The following SBNO1 variants were observed in gnomAD, a reference collection of about 807,000 sequenced individuals.
SBNO1 encodes strawberry notch homolog 1, also known as protein strawberry notch homolog 1.
A neutral mutation model predicts 173.6 loss-of-function variants in SBNO1; 23 were observed. The ratio of observed to expected loss-of-function variants is 0.13; its 90% CI spans 0.10 to 0.19. The LOEUF (loss-of-function observed/expected upper bound fraction) is 0.19, where lower values mean the gene tolerates loss of function less well. SBNO1 is among the 10% of genes least tolerant of loss of function. SBNO1 has a pLI of 1.00. For missense variants in SBNO1, 1,238 were observed against 1,671.2 expected, an observed-to-expected ratio of 0.74 and a Z score of 4.52; for synonymous variants, 632 against 571.5, an observed-to-expected ratio of 1.11 and a Z score of -1.51.
chr12:123,354,879 G>A (rs1385741043), intron 1 of SBNO1, among the ~76,000 whole-genome samples: 1 of 151,786 alleles, frequency 6.6e-6, no homozygotes, highest in Non-Finnish European at 1.5e-5. Context: ...AAAAAAAAGA[G>A]TTCAATTTTT....
At chr12:123,364,031 TC>T (rs1427640203) in intron 1 of SBNO1, 2 of 985,278 alleles carry the variant, frequency 2.0e-6, no homozygotes, top group Non-Finnish European at 2.4e-6. Context: ...CAACTGCCGT[TC>T]CCCTCCATGG....
Position 123,364,817 on chromosome 12 carries a change from C to A in SBNO1, c.-117G>T, listed in dbSNP as rs1167856865. The A allele has an allele frequency of 2.0e-6, 2 of 977,522 alleles. No individual in the cohort carries two copies. The highest frequency in any genetic ancestry group is 2.4e-6 in the Non-Finnish European group (2 of 822,730). 60.6% of individuals were successfully genotyped at this position (977,522 alleles called of 1,614,324 possible). Reference sequence around the variant, plus strand: ...GCGGCAGCAGCGGCGTCCTGCTCTGCCTACCTCCCCGCCGCCATCTTGACG... The same window carrying A: ...GCGGCAGCAGCGGCGTCCTGCTCTGACTACCTCCCCGCCGCCATCTTGACG... On this transcript the variant is annotated 5_prime_UTR_variant, in exon 1 of 32. Transcript: ENST00000602398.
intron 30 of SBNO1, 146 bp from the exon 31 acceptor site, chr12:123,298,317 A>G (rs2048672060): frequency 1.3e-6 from 1 of 773,432 alleles, no homozygotes; most frequent in Non-Finnish European, 2.0e-6. Context: ...CCCAGACTGG[A>G]GCGCAGTGGT....
chr12:123,355,887 G>A (rs1217359035), intron 1 of SBNO1, among the ~76,000 whole-genome samples: 1 of 152,180 alleles, frequency 6.6e-6, no homozygotes, highest in African/African-American at 2.4e-5. Context: ...CACAGCAGTA[G>A]AGAAAAACTA....
chr12:123,300,978 A>ACC (rs149202839), intron 30 of SBNO1, among the ~76,000 whole-genome samples: 6,564 of 149,820 alleles, frequency 0.044, 254 homozygotes, highest in East Asian at 0.24. Context: ...AACAAAAAAA[A>ACC]ACAAAAAAAA....
chr12:123,363,838 G>A (rs997869176), intron 1 of SBNO1: 11 of 984,832 alleles, frequency 1.1e-5, no homozygotes, highest in Non-Finnish European at 1.2e-5. Flanking sequence ...CAAAGCAGGG[G>A]TGGGAAGGGG....
intron 1 of SBNO1, chr12:123,364,484 A>G (rs1260716548): frequency 1.0e-6 from 1 of 983,522 alleles, no homozygotes; most frequent in Non-Finnish European, 1.2e-6. Context: ...GCTGACGAAC[A>G]GAGGAAGCGA....
At chr12:123,338,132 C>T in intron 5 of SBNO1, among the ~76,000 whole-genome samples, 1 of 152,176 alleles carries the variant, frequency 6.6e-6, no homozygotes, top group Non-Finnish European at 1.5e-5. Flanking sequence ...GGCAAATCTT[C>T]CTAGATGGGG....
chr12:123,362,823 T>A (rs902252782), intron 1 of SBNO1, among the ~76,000 whole-genome samples: 2 of 147,652 alleles, frequency 1.4e-5, no homozygotes, highest in African/African-American at 5.0e-5. Context: ...CAATGGCTCA[T>A]GCCTGTAATC....
chr12:123,336,373 C>G (rs1216338734), intron 6 of SBNO1, 22 bp downstream of exon 6: 1 of 1,400,958 alleles, frequency 7.1e-7, no homozygotes, highest in Admixed American at 1.9e-5. Flanking sequence ...ATGTAAATAT[C>G]TGACAAATCC....
rs182885601 is a variant in SBNO1 at position 123,354,545 on chromosome 12, C to T, written c.1-4104G>A. Among the ~76,000 whole-genome samples, 136 of 152,242 alleles carry T rather than the reference C, an allele frequency of 8.9e-4. No individual in the cohort carries two copies. The South Asian group carries it at 0.01, about 11-fold the overall frequency. Reference sequence around the variant, plus strand: ...TATCCCATTCTCTAACTCCATTAGGCAAAACCCTTAGTATGTAATTATATT... The same window carrying T: ...TATCCCATTCTCTAACTCCATTAGGTAAAACCCTTAGTATGTAATTATATT... On this transcript the variant is annotated intron_variant, in intron 1 of 31. Coordinates refer to ENST00000602398, the MANE Select transcript of SBNO1 (RefSeq NM_001167856.3).
At chr12:123,332,691 C>G (rs1476282341) in intron 7 of SBNO1, among the ~76,000 whole-genome samples, 1 of 151,984 alleles carries the variant, frequency 6.6e-6, no homozygotes, top group East Asian at 1.9e-4. Context: ...CTTAGCTTCC[C>G]AAGTAGATGG....
intron 10 of SBNO1, 106 bp from the exon 11 acceptor site, chr12:123,328,133 T>C: frequency 1.2e-6 from 1 of 843,830 alleles, no homozygotes; most frequent in Non-Finnish European, 1.8e-6. Flanking sequence ...TGATTGCCTA[T>C]TTCATGACTG....
In SBNO1 at chr12:123,295,836, T is replaced by C; in HGVS notation, c.*72A>G. 2 of 1,556,234 alleles carry C rather than the reference T, an allele frequency of 1.3e-6. No individual in the cohort carries two copies. Among genetic ancestry groups the C allele is most frequent in the Non-Finnish European group, 1.7e-6 (2 of 1,149,058 alleles). ...AAAATATATAATTCTTTGGAAACTGTCCCTGATTTTTATGCAAATGATATG... is the reference window on the plus strand; with the variant it reads ...AAAATATATAATTCTTTGGAAACTGCCCCTGATTTTTATGCAAATGATATG... On this transcript the variant is annotated 3_prime_UTR_variant, in exon 32 of 32. Coordinates refer to ENST00000602398, the MANE Select transcript of SBNO1 (RefSeq NM_001167856.3).
At chr12:123,352,688 T>C (rs1255389148) in intron 1 of SBNO1, among the ~76,000 whole-genome samples, 2 of 152,198 alleles carry the variant, frequency 1.3e-5, no homozygotes, top group African/African-American at 4.8e-5. Flanking sequence ...TTGTGTATCA[T>C]TTAGACAGAT....
intron 7 of SBNO1, among the ~76,000 whole-genome samples, chr12:123,332,442 C>A (rs1387038827): frequency 6.6e-6 from 1 of 152,078 alleles, no homozygotes; most frequent in Non-Finnish European, 1.5e-5. Context: ...CAGGCATGTG[C>A]CACCACGCAC....
chr12:123,355,455 A>G (rs1337760906), intron 1 of SBNO1, among the ~76,000 whole-genome samples: 1 of 152,080 alleles, frequency 6.6e-6, no homozygotes, highest in Admixed American at 6.6e-5. Flanking sequence ...AATACAAAGA[A>G]TAGCCAGGTG....
rs542375653 is a variant in SBNO1, at chr12:123,295,725, C to A, written c.*183G>T. 1.1e-4 allele frequency: 73 copies of A among 682,752 alleles called. No homozygotes were observed. The East Asian group carries it at 1.8e-3, about 17-fold the overall frequency. The allele number at this position is 682,752 out of a possible 1,614,324, so 42.3% of individuals were successfully genotyped here. On this transcript the variant is annotated 3_prime_UTR_variant, in exon 32 of 32. Transcript: ENST00000602398. ...GCTAAAGGAAAGACATATGTACCACCATCAGCACTGCTGATTTTCAGTTTT... is the reference window on the plus strand; with the variant it reads ...GCTAAAGGAAAGACATATGTACCACAATCAGCACTGCTGATTTTCAGTTTT...
At chr12:123,340,662 T>A (rs1872446449) in intron 5 of SBNO1, among the ~76,000 whole-genome samples, 1 of 151,808 alleles carries the variant, frequency 6.6e-6, no homozygotes, top group Admixed American at 6.6e-5. Context: ...AGCTTTCTAT[T>A]CAAGTTCGGT....
Sources: gnomAD v4.1 joint callset for allele counts (sites outside exome capture counted in the v4.1 genomes callset) on GRCh38, gnomAD v4.1.1 for gene constraint, MANE v1.5 for transcripts, NCBI Gene and HGNC (gene_info 2026-07-23, HGNC 2026-07-21) for gene names.